RFX7: variants seen among roughly 807,000 people sequenced by gnomAD.
RFX7 encodes the protein regulatory factor X7.
RFX7 carries 26 observed loss-of-function variants against 111.8 expected under a neutral mutation model. That is an observed-to-expected ratio of 0.23 (90% CI 0.17 to 0.32). The LOEUF (loss-of-function observed/expected upper bound fraction) is 0.32, where lower values mean the gene tolerates loss of function less well. RFX7 is among the 10% of genes least tolerant of loss of function. RFX7 has a pLI of 1.00. For missense variants in RFX7, 1,573 were observed against 1,772.9 expected (o/e 0.89, Z 2.02); for synonymous variants, 624 against 624.4 (o/e 1.00, Z 0.01).
At chr15:56,116,347 G>A (rs2042008849) in intron 5 of RFX7, among the ~76,000 whole-genome samples, 1 of 152,172 alleles carries the variant, frequency 6.6e-6, no homozygotes, top group Non-Finnish European at 1.5e-5. Flanking sequence ...CTTTACTGAT[G>A]ACTCAAGTAG....
At chr15:56,201,757 G>C (rs112526527) in intron 2 of RFX7, among the ~76,000 whole-genome samples, 2 of 152,130 alleles carry the variant, frequency 1.3e-5, no homozygotes, top group African/African-American at 4.8e-5. Context: ...CTGGCCGGGC[G>C]TGGTGGCTCA....
At chr15:56,113,463 C>T (rs1321820015) in intron 5 of RFX7, among the ~76,000 whole-genome samples, 5 of 152,022 alleles carry the variant, frequency 3.3e-5, no homozygotes, top group African/African-American at 1.2e-4. Context: ...AACACATGGA[C>T]ACAGGGAGGG....
At chr15:56,170,565 T>C (rs559264312) in intron 3 of RFX7, among the ~76,000 whole-genome samples, 170 of 152,262 alleles carry the variant, frequency 1.1e-3, no homozygotes, top group African/African-American at 4.0e-3. Context: ...CCTAGGGGCG[T>C]GGAGGGCAAA....
chr15:56,105,281 T>C (rs1270384720), intron 5 of RFX7, among the ~76,000 whole-genome samples: 2 of 152,238 alleles, frequency 1.3e-5, no homozygotes, highest in African/African-American at 4.8e-5. Context: ...ATCTGTTTCT[T>C]TTCTTTGCAT....
At chr15:56,121,034 A>G (rs1016581560) in intron 5 of RFX7, among the ~76,000 whole-genome samples, 2 of 152,196 alleles carry the variant, frequency 1.3e-5, no homozygotes, top group Non-Finnish European at 1.5e-5. Context: ...CCACAATTAC[A>G]GTGTTATAAT....
At chr15:56,150,054 G>A (rs933710546) in intron 3 of RFX7, among the ~76,000 whole-genome samples, 4 of 151,986 alleles carry the variant, frequency 2.6e-5, no homozygotes, top group African/African-American at 7.2e-5. Context: ...CGGGGGGGTC[G>A]GCCATTGCTG....
At chr15:56,135,834 G>A (rs1254125251) in intron 5 of RFX7, among the ~76,000 whole-genome samples, 4 of 151,938 alleles carry the variant, frequency 2.6e-5, no homozygotes, top group African/African-American at 4.8e-5. Flanking sequence ...TTCTACATAT[G>A]GCTAGCCAGT....
chr15:56,167,817 C>T (rs2042800995), intron 3 of RFX7, among the ~76,000 whole-genome samples: 2 of 152,088 alleles, frequency 1.3e-5, no homozygotes, highest in African/African-American at 4.8e-5. Context: ...AAATATCTAA[C>T]ATTATTGTAG....
chr15:56,229,561 T>C (rs1567054042), intron 2 of RFX7, among the ~76,000 whole-genome samples: 1 of 152,210 alleles, frequency 6.6e-6, no homozygotes, highest in East Asian at 1.9e-4. Context: ...ATGACTCCTC[T>C]AATCCAGTAG....
intron 2 of RFX7, among the ~76,000 whole-genome samples, chr15:56,212,801 A>T (rs2043326018): frequency 6.6e-6 from 1 of 152,228 alleles, no homozygotes; most frequent in Admixed American, 6.5e-5. Context: ...AAAACTCAAC[A>T]GCAAAAAAAG....
chr15:56,143,126 G>C (rs1409378538), intron 4 of RFX7, among the ~76,000 whole-genome samples: 1 of 152,096 alleles, frequency 6.6e-6, no homozygotes. Context: ...CCATGCAGGT[G>C]ATAGAGCACT....
At chr15:56,112,379 C>CAAAAAAAAAAAAAAAAAAAAAAA (rs71110374) in intron 5 of RFX7, among the ~76,000 whole-genome samples, 1 of 71,766 alleles carries the variant, frequency 1.4e-5, no homozygotes, top group Non-Finnish European at 2.6e-5. Context: ...GAGTACAAAT[C>CAAAAAAAAAAAAAAAAAAAAAAA]AAAAAAAAAA....
At chr15:56,097,859 T>C (rs2041702504) in intron 9 of RFX7, among the ~76,000 whole-genome samples, 1 of 151,972 alleles carries the variant, frequency 6.6e-6, no homozygotes, top group Admixed American at 6.6e-5. Flanking sequence ...GTGCATACTT[T>C]GTATGTCTTG....
chr15:56,100,611 G>A (rs1026101054), intron 8 of RFX7, among the ~76,000 whole-genome samples: 3 of 152,128 alleles, frequency 2.0e-5, no homozygotes, highest in Non-Finnish European at 4.4e-5. Flanking sequence ...ATAAGTCTCT[G>A]ATCACTATAT....
At chr15:56,228,374 T>A (rs1323452523) in intron 2 of RFX7, among the ~76,000 whole-genome samples, 5 of 152,152 alleles carry the variant, frequency 3.3e-5, no homozygotes, top group Admixed American at 1.3e-4. Context: ...AACTATGGAA[T>A]TATGTAATTG....
At chr15:56,146,130 C>T (rs1358978627) in intron 3 of RFX7, among the ~76,000 whole-genome samples, 1 of 152,084 alleles carries the variant, frequency 6.6e-6, no homozygotes, top group Non-Finnish European at 1.5e-5. Flanking sequence ...GAGAGTCTCA[C>T]TCTGTTGCCC....
chr15:56,190,785 T>A (rs2043092247), intron 2 of RFX7, among the ~76,000 whole-genome samples: 1 of 151,994 alleles, frequency 6.6e-6, no homozygotes, highest in Non-Finnish European at 1.5e-5. Context: ...GACAGACAAC[T>A]GGAAAAAACT....
chr15:56,110,392 G>A (rs1444251334), intron 5 of RFX7, among the ~76,000 whole-genome samples: 4 of 114,688 alleles, frequency 3.5e-5, no homozygotes, highest in Admixed American at 8.8e-5. Context: ...CCCCCCGCCC[G>A]GCCAGCCGCC....
chr15:56,177,364 T>C (rs1372170393), intron 3 of RFX7, among the ~76,000 whole-genome samples: 1 of 152,188 alleles, frequency 6.6e-6, no homozygotes, highest in African/African-American at 2.4e-5. Flanking sequence ...TTTATCGTTA[T>C]CTGAATTGTA....
Sources: gnomAD v4.1 joint callset for allele counts (sites outside exome capture counted in the v4.1 genomes callset) on GRCh38, gnomAD v4.1.1 for gene constraint, MANE v1.5 for transcripts, NCBI Gene and HGNC (gene_info 2026-07-23, HGNC 2026-07-21) for gene names.